Variants in BRSK2 observed in about 807,000 individuals in gnomAD.
BRSK2 encodes serine/threonine-protein kinase BRSK2.
A neutral mutation model predicts 83.3 loss-of-function variants in BRSK2; 19 were observed. The ratio of observed to expected loss-of-function variants is 0.23; its 90% CI spans 0.16 to 0.33. The LOEUF (loss-of-function observed/expected upper bound fraction) is 0.33, where lower values mean the gene tolerates loss of function less well. BRSK2 is among the 10% of genes least tolerant of loss of function. The pLI is 1.00. For synonymous variants in BRSK2, 519 were observed against 435.4 expected, an observed-to-expected ratio of 1.19 and a Z score of -2.39; for missense variants, 798 against 1,042.3, an observed-to-expected ratio of 0.77 and a Z score of 3.23.
At chr11:1,412,889 A>G (rs1847687448) in intron 1 of BRSK2, among the ~76,000 whole-genome samples, 1 of 149,668 alleles carries the variant, frequency 6.7e-6, no homozygotes, top group Non-Finnish European at 1.5e-5. Flanking sequence ...CCCAGGGCAC[A>G]GTAGTGGCAG....
At chr11:1,444,744 T>G (rs541024770) in intron 8 of BRSK2, among the ~76,000 whole-genome samples, 1 of 150,376 alleles carries the variant, frequency 6.6e-6, no homozygotes, top group Non-Finnish European at 1.5e-5. Context: ...CCTTGAGGTG[T>G]GTGTTTTCTT....
Position 1,460,962 on chromosome 11 carries a change from G to A in BRSK2, c.*239G>A. 6.2e-7 allele frequency: 1 copy of A among 1,612,484 alleles called. No homozygotes were observed. The highest frequency in any genetic ancestry group is 8.5e-7 in the Non-Finnish European group (1 of 1,179,406). On this transcript the variant is annotated 3_prime_UTR_variant, in exon 20 of 20. Coordinates refer to ENST00000528841, the MANE Select transcript of BRSK2 (RefSeq NM_001256627.2). ...TGACAGCATCGCTTGTTTCCACTCT[G>A]ATACCAGGAATTATCCCGAAAAGTT... is the stretch of plus-strand genomic sequence containing the variant.
intron 18 of BRSK2, 118 bp from the exon 19 acceptor site, chr11:1,459,074 G>A (rs1847044015): frequency 1.3e-6 from 1 of 784,182 alleles, no homozygotes; most frequent in Admixed American, 2.4e-5. Flanking sequence ...CCATGCCTCT[G>A]GGGCCCTACC....
rs1848862837 is a variant in BRSK2, at chr11:1,423,687, C to G, written c.92-12353C>G. Among the ~76,000 whole-genome samples, 1 of 140,288 alleles carries G rather than the reference C, an allele frequency of 7.1e-6. No individual in the cohort carries two copies. Among genetic ancestry groups the G allele is most frequent in the South Asian group, 2.2e-4 (1 of 4,504 alleles). 92.0% of individuals were successfully genotyped at this position (140,288 alleles called of 152,430 possible). Reference sequence around the variant, plus strand: ...CCCCAAGCCTCCCCCGCTGGGCGTTCCGGGTGCCCCAGGCCTCCCCCGCTG... The same window carrying G: ...CCCCAAGCCTCCCCCGCTGGGCGTTGCGGGTGCCCCAGGCCTCCCCCGCTG... On this transcript the variant is annotated intron_variant, in intron 1 of 19. Coordinates refer to ENST00000528841, the MANE Select transcript of BRSK2 (RefSeq NM_001256627.2). The surrounding 1 kb of genome is among the most constrained non-coding windows in gnomAD (Gnocchi z 6.5).
rs554052498 is a variant in BRSK2 at position 1,461,948 on chromosome 11, G to C, written c.*1225G>C. ...GCTCGGGGCAGAGGGGCGGTGTCTT[G>C]TAGCGGGCGGCAGCGCCAGCGCCCC... On this transcript the variant is annotated 3_prime_UTR_variant, in exon 20 of 20. Transcript: ENST00000528841. The C allele has an allele frequency of 6.6e-6, 1 of 152,268 alleles. No homozygotes were observed. The highest frequency in any genetic ancestry group is 1.5e-5 in the Non-Finnish European group (1 of 68,020). 9.4% of individuals were successfully genotyped at this position (152,268 alleles called of 1,614,324 possible). A position where few individuals can be genotyped will look rare whatever the true frequency, so the allele number is the denominator to read the frequency against.
chr11:1,447,837 C>T (rs1307112863), intron 12 of BRSK2: 3 of 1,597,242 alleles, frequency 1.9e-6, no homozygotes, highest in Non-Finnish European at 2.5e-6. Context: ...TCGCTGAGGC[C>T]CATCCCCAAT....
chr11:1,410,862 C>T (rs1308077378), intron 1 of BRSK2: 3 of 985,472 alleles, frequency 3.0e-6, no homozygotes, highest in East Asian at 2.3e-4. Context: ...GGAGCTTCAG[C>T]AGCCACTTGG....
chr11:1,424,697 C>T (rs1404220055), intron 1 of BRSK2, among the ~76,000 whole-genome samples: 1 of 152,056 alleles, frequency 6.6e-6, no homozygotes, highest in African/African-American at 2.4e-5. Flanking sequence ...CTGGGAGGCC[C>T]AGGCTCAGGA....
chr11:1,422,923 G>A (rs1346156079), intron 1 of BRSK2, among the ~76,000 whole-genome samples: 4 of 152,234 alleles, frequency 2.6e-5, no homozygotes, highest in African/African-American at 4.8e-5. Context: ...TGTGGTGTCC[G>A]GAGGATGGAC....
intron 1 of BRSK2, among the ~76,000 whole-genome samples, chr11:1,397,444 T>G (rs1846200497): frequency 1.3e-5 from 2 of 152,196 alleles, no homozygotes; most frequent in Admixed American, 1.3e-4. Flanking sequence ...AGAGCAGTGC[T>G]CCCGAAAGTC....
intron 3 of BRSK2, among the ~76,000 whole-genome samples, chr11:1,439,420 G>A (rs1012300989): frequency 2.0e-5 from 3 of 152,080 alleles, no homozygotes; most frequent in East Asian, 3.9e-4. Context: ...CTGGGGGGGC[G>A]GGGGTGGTCC....
chr11:1,453,963 G>A (rs1846132299), intron 15 of BRSK2: 1 of 153,750 alleles, frequency 6.5e-6, no homozygotes, highest in South Asian at 2.0e-4. Flanking sequence ...GGGTGCTCTT[G>A]AGCTGGAGAG....
In BRSK2 at chr11:1,459,226, G is replaced by A; in HGVS notation, c.1974G>A (p.Arg658=). ...ACTGTATGGAAATGATGACGGGGCG[G>A]CTTTCCAAATGTGGTAAGAATCCCC... ...TTNCMEMMTG[R]LSKCGSPLSN... is the part of the protein sequence containing the mutation. Residue 658 remains arginine, a synonymous_variant, in exon 19 of 20, where the codon CGG becomes CGA. Transcript: ENST00000528841. The A allele has an allele frequency of 6.2e-7, 1 of 1,613,764 alleles. No homozygotes were observed. The highest frequency in any genetic ancestry group is 8.5e-7 in the Non-Finnish European group (1 of 1,179,842).
At chr11:1,456,988 G>A (rs1590705481) in intron 18 of BRSK2, 2 of 1,597,350 alleles carry the variant, frequency 1.3e-6, no homozygotes, top group Non-Finnish European at 1.7e-6. Context: ...CTAAGCTGGG[G>A]TGCTGGGCTT....
intron 1 of BRSK2, among the ~76,000 whole-genome samples, chr11:1,393,142 T>A (rs187108804): frequency 7.1e-4 from 108 of 152,320 alleles, no homozygotes; most frequent in South Asian, 2.9e-3. Flanking sequence ...ACACAGTCCC[T>A]GCCAGCAAGG....
chr11:1,414,068 C>T (rs774457057), intron 1 of BRSK2, among the ~76,000 whole-genome samples: 2 of 152,230 alleles, frequency 1.3e-5, no homozygotes, highest in African/African-American at 4.8e-5. Flanking sequence ...AGTTTAAAAA[C>T]AATTGTTCAT....
At chr11:1,429,364 G>T (rs1031470685) in intron 1 of BRSK2, among the ~76,000 whole-genome samples, 2 of 151,734 alleles carry the variant, frequency 1.3e-5, no homozygotes, top group Non-Finnish European at 2.9e-5. Flanking sequence ...TCGGTGTGTG[G>T]GTGTGTGCAC....
At chr11:1,427,817 C>T (rs1256190665) in intron 1 of BRSK2, among the ~76,000 whole-genome samples, 1 of 152,234 alleles carries the variant, frequency 6.6e-6, no homozygotes, top group Non-Finnish European at 1.5e-5. Flanking sequence ...TCCAGTCCCC[C>T]ATCCTCCAGG....
chr11:1,411,639 T>C, intron 1 of BRSK2: 1 of 1,541,012 alleles, frequency 6.5e-7, no homozygotes, highest in Non-Finnish European at 8.7e-7. Flanking sequence ...AGCAGGTGCG[T>C]GCCACGCTCC....
Sources: gnomAD v4.1 joint callset for allele counts (sites outside exome capture counted in the v4.1 genomes callset) on GRCh38, gnomAD v4.1.1 for gene constraint, Gnocchi (gnomAD v3.1) non-coding constraint, MANE v1.5 for transcripts, NCBI Gene and HGNC (gene_info 2026-07-23, HGNC 2026-07-21) for gene names.